The following DNAH7 variants were observed in gnomAD, a reference collection of about 807,000 sequenced individuals.
DNAH7 encodes axonemal beta dynein heavy chain 7.
A neutral mutation model predicts 444.6 loss-of-function variants in DNAH7; 397 were observed. That is an observed-to-expected ratio of 0.89 (90% CI 0.82 to 0.97). The LOEUF (loss-of-function observed/expected upper bound fraction) is 0.97, where lower values mean the gene tolerates loss of function less well. DNAH7 is among the 50% of genes least tolerant of loss of function. The probability of loss-of-function intolerance (pLI) is 0.00; values close to 1 mark genes in which losing one functional copy is unlikely to be tolerated. For missense variants in DNAH7, 4,902 were observed against 4,800.8 expected, an observed-to-expected ratio of 1.02 and a Z score of -0.62; for synonymous variants, 1,636 against 1,624.4, an observed-to-expected ratio of 1.01 and a Z score of -0.17.
intron 49 of DNAH7, among the ~76,000 whole-genome samples, chr2:195,822,291 C>T (rs1697510192): frequency 6.6e-6 from 1 of 152,178 alleles, no homozygotes; most frequent in South Asian, 2.1e-4. Context: ...TGTTTTGCAA[C>T]TTTTACTTCA....
intron 51 of DNAH7, among the ~76,000 whole-genome samples, chr2:195,812,110 C>G (rs1574479520): frequency 6.6e-6 from 1 of 152,188 alleles, no homozygotes; most frequent in Admixed American, 6.5e-5. Flanking sequence ...GCAGTCCCCA[C>G]CCAGAAGCAG....
intron 2 of DNAH7, among the ~76,000 whole-genome samples, chr2:196,055,625 C>CTT (rs1273856148): frequency 2.6e-5 from 4 of 152,196 alleles, no homozygotes; most frequent in Admixed American, 2.6e-4. Context: ...GAGTTGAAGC[C>CTT]TTCCCTTTGG....
chr2:196,033,233 T>C (rs1238992417), intron 5 of DNAH7, among the ~76,000 whole-genome samples: 1 of 152,204 alleles, frequency 6.6e-6, no homozygotes, highest in African/African-American at 2.4e-5. Context: ...AGTGTTATGA[T>C]TTATTAATAC....
At chr2:195,838,033 A>C (rs1698469675) in intron 47 of DNAH7, among the ~76,000 whole-genome samples, 24 of 152,164 alleles carry the variant, frequency 1.6e-4, no homozygotes, top group Admixed American at 1.6e-3. Context: ...CATGCATGGA[A>C]CACTTCTAAA....
chr2:195,934,458 A>G, intron 21 of DNAH7, 133 bp downstream of exon 21: 1 of 973,072 alleles, frequency 1.0e-6, no homozygotes, highest in South Asian at 1.6e-5. Context: ...CCTTCAAGTT[A>G]TCTATCACAT....
intron 28 of DNAH7, among the ~76,000 whole-genome samples, chr2:195,898,277 C>T (rs1407099829): frequency 6.6e-6 from 1 of 152,086 alleles, no homozygotes; most frequent in African/African-American, 2.4e-5. Flanking sequence ...AATAACACAT[C>T]ATCTATTCTA....
chr2:195,743,786 T>C (rs1229873880), intron 63 of DNAH7, among the ~76,000 whole-genome samples: 2 of 81,026 alleles, frequency 2.5e-5, no homozygotes, highest in African/African-American at 6.8e-5. Context: ...TATGTGCTTA[T>C]TGGTGAAACG....
At chr2:195,990,343 A>G (rs1236326937) in intron 12 of DNAH7, among the ~76,000 whole-genome samples, 1 of 152,086 alleles carries the variant, frequency 6.6e-6, no homozygotes, top group Admixed American at 6.6e-5. Context: ...CCCTTTCCCA[A>G]TGTATGCTCT....
At chr2:195,929,863 T>A (rs1688574529) in intron 21 of DNAH7, among the ~76,000 whole-genome samples, 1 of 152,072 alleles carries the variant, frequency 6.6e-6, no homozygotes, top group African/African-American at 2.4e-5. Context: ...AAAACAAAAA[T>A]TGACAAGTGG....
At position 195,970,086 on chromosome 2, in the gene DNAH7, AC is replaced by A. The variant is rs778784575; in HGVS notation, c.2066del (p.Cys689LeufsTer31). The A allele has an allele frequency of 2.5e-6, 4 of 1,598,544 alleles. No homozygotes were observed. The highest frequency in any genetic ancestry group is 3.4e-6 in the Non-Finnish European group (4 of 1,175,640). Reference sequence around the variant, plus strand: ...TCTCCAATTCCTCCACAAACCGTTCACACCGTAACTAATAAAAACAATTTGT... The same window carrying A: ...TCTCCAATTCCTCCACAAACCGTTCAACCGTAACTAATAAAAACAATTTGT... ...EQYQEGLKLR[C>X]ERFVEELESY... On this transcript the variant is annotated frameshift_variant, in exon 17 of 65. Transcript: ENST00000312428. LOFTEE classifies it high-confidence loss of function.
intron 32 of DNAH7, 72 bp from the exon 33 acceptor site, chr2:195,888,506 T>A (rs1701835538): frequency 2.1e-6 from 3 of 1,442,830 alleles, no homozygotes; most frequent in Non-Finnish European, 2.8e-6. Context: ...CACCTCTGTT[T>A]TTTTATAACC....
chr2:195,880,852 T>G (rs1701333472), intron 36 of DNAH7, among the ~76,000 whole-genome samples: 1 of 152,208 alleles, frequency 6.6e-6, no homozygotes, highest in Non-Finnish European at 1.5e-5. Flanking sequence ...GGCACTTTAT[T>G]GCCTGGGCTG....
At chr2:195,850,051 C>T (rs1443204738) in intron 46 of DNAH7, among the ~76,000 whole-genome samples, 1 of 152,058 alleles carries the variant, frequency 6.6e-6, no homozygotes, top group Non-Finnish European at 1.5e-5. Context: ...AAAATAGAAG[C>T]AATAGTTTCT....
intron 1 of DNAH7, 72 bp downstream of exon 1, chr2:196,068,625 G>C (rs942894454): frequency 1.3e-6 from 2 of 1,543,774 alleles, no homozygotes; most frequent in Non-Finnish European, 1.8e-6. Context: ...GGCAGGAGGG[G>C]CTTCCACCAC....
intron 25 of DNAH7, among the ~76,000 whole-genome samples, chr2:195,908,085 C>T (rs776425408): frequency 1.5e-4 from 23 of 152,004 alleles, no homozygotes; most frequent in Non-Finnish European, 2.8e-4. Flanking sequence ...GTTTATGACT[C>T]TAAATAAAAG....
chr2:195,784,065 T>C (rs1695505623), intron 58 of DNAH7, among the ~76,000 whole-genome samples: 1 of 152,134 alleles, frequency 6.6e-6, no homozygotes, highest in Non-Finnish European at 1.5e-5. Context: ...GCACACGTCT[T>C]ACAAATGATG....
intron 10 of DNAH7, among the ~76,000 whole-genome samples, chr2:196,002,664 T>C (rs566636481): frequency 1.2e-4 from 18 of 152,200 alleles, no homozygotes; most frequent in Admixed American, 5.9e-4. Context: ...TTAACAAATA[T>C]GTGTTAAGTG....
At chr2:195,793,118 T>C (rs1695968453) in intron 57 of DNAH7, among the ~76,000 whole-genome samples, 1 of 151,958 alleles carries the variant, frequency 6.6e-6, no homozygotes, top group Non-Finnish European at 1.5e-5. Context: ...TTTATTTTTA[T>C]AGAGGTAGGG....
intron 25 of DNAH7, among the ~76,000 whole-genome samples, chr2:195,908,968 A>G (rs1687199580): frequency 6.6e-6 from 1 of 152,084 alleles, no homozygotes; most frequent in Admixed American, 6.6e-5. Flanking sequence ...ATCTTTTTTA[A>G]TGTTAACTTT....
Sources: allele counts gnomAD v4.1 joint callset (sites outside exome capture counted in the v4.1 genomes callset), GRCh38; gene constraint gnomAD v4.1.1; transcripts MANE v1.5; gene names NCBI Gene and HGNC (gene_info 2026-07-23, HGNC 2026-07-21).